Variants in GPR35 observed in about 807,000 individuals in gnomAD.
GPR35 encodes the protein G protein-coupled receptor 35.
For missense variants in GPR35, 372 were observed against 422.5 expected, an observed-to-expected ratio of 0.88 and a Z score of 1.05; for synonymous variants, 207 against 198.4, an observed-to-expected ratio of 1.04 and a Z score of -0.36.
intron 2 of GPR35, among the ~76,000 whole-genome samples, chr2:240,610,688 G>C (rs984856229): frequency 6.6e-6 from 1 of 151,886 alleles, no homozygotes; most frequent in Non-Finnish European, 1.5e-5. Flanking sequence ...AGGCTGGAGT[G>C]CAGTGGCATG....
In GPR35 at chr2:240,630,387, C is replaced by T. The variant is rs201640570; in HGVS notation, c.435C>T (p.Ile145=). The T allele has an allele frequency of 9.2e-5, 149 of 1,610,890 alleles. 1 individual carries two copies. The South Asian group carries it at 1.0e-3, about 11-fold the overall frequency. The change falls in exon 2 of 2, where the codon ATC becomes ATT. Residue 145 remains isoleucine, a synonymous_variant. Coordinates refer to ENST00000407714, the MANE Select transcript of GPR35 (RefSeq NM_005301.5). ...GCGCGGTCCTCTGGGTGCTGGTCAT[C>T]GGCTCCCTGGTGGCTCGCTGGCTCC... ...AVCAVLWVLV[I]GSLVARWLLG...
At chr2:240,614,188 A>T (rs1418961887) in intron 2 of GPR35, among the ~76,000 whole-genome samples, 1 of 151,816 alleles carries the variant, frequency 6.6e-6, no homozygotes, top group Non-Finnish European at 1.5e-5. Flanking sequence ...CCTAATCCTA[A>T]GTCTCATGTT....
intron 2 of GPR35, among the ~76,000 whole-genome samples, chr2:240,612,183 G>C (rs957134919): frequency 2.6e-5 from 4 of 151,920 alleles, no homozygotes; most frequent in African/African-American, 9.7e-5. Flanking sequence ...AAAAGGACTA[G>C]GGACTGGGAG....
intron 2 of GPR35, among the ~76,000 whole-genome samples, chr2:240,612,493 G>T (rs539852580): frequency 6.6e-6 from 1 of 151,870 alleles, no homozygotes; most frequent in African/African-American, 2.4e-5. Flanking sequence ...TGGTGGGTGC[G>T]TGGAGGTGCT....
intron 1 of GPR35, 118 bp from the exon 2 acceptor site, chr2:240,629,831 G>T (rs1444615404): frequency 4.9e-6 from 4 of 809,252 alleles, no homozygotes; most frequent in Admixed American, 2.4e-5. Flanking sequence ...GTGTTTGTGG[G>T]TGTGGGGTCG....
At chr2:240,616,295 A>G in intron 2 of GPR35, 1 of 655,394 alleles carries the variant, frequency 1.5e-6, no homozygotes, top group Non-Finnish European at 2.8e-6. Context: ...GTGGCTCCAC[A>G]GGATGCATAC....
chr2:240,614,972 GTATC>G (rs1048120551), intron 2 of GPR35, among the ~76,000 whole-genome samples: 8 of 152,032 alleles, frequency 5.3e-5, no homozygotes, highest in African/African-American at 1.7e-4. Flanking sequence ...ATTTGTATAT[GTATC>G]TATGTGTGTT....
intron 2 of GPR35, among the ~76,000 whole-genome samples, chr2:240,611,680 A>T (rs1052258412): frequency 6.6e-6 from 1 of 152,168 alleles, no homozygotes; most frequent in Non-Finnish European, 1.5e-5. Flanking sequence ...GGGCTGGATG[A>T]TGTGGTCAGT....
In GPR35 at chr2:240,630,271, G is replaced by C; in HGVS notation, c.319G>C (p.Val107Leu). Residue 107 changes from valine to leucine, a missense_variant, in exon 2 of 2, where the codon GTC becomes CTC. Coordinates refer to ENST00000407714, the MANE Select transcript of GPR35 (RefSeq NM_005301.5). Reference sequence around the variant, plus strand: ...CAACAGGTACATGAGCATCAGCCTGGTCACGGCCATCGCCGTGGACCGCTA... The same window carrying C: ...CAACAGGTACATGAGCATCAGCCTGCTCACGGCCATCGCCGTGGACCGCTA... The part of the protein sequence containing the change: ...LTNRYMSISL[V>L]TAIAVDRYVA... 1 of 1,565,916 alleles carries C rather than the reference G, an allele frequency of 6.4e-7. No homozygotes were observed. The highest frequency in any genetic ancestry group is 8.6e-7 in the Non-Finnish European group (1 of 1,159,974).
chr2:240,621,388 G>A (rs1038020247), upstream of GPR35, among the ~76,000 whole-genome samples: 3 of 152,140 alleles, frequency 2.0e-5, no homozygotes, highest in African/African-American at 7.2e-5. Flanking sequence ...CCGAGTAGCT[G>A]GGACTACAGG....
rs776208654 is a variant in GPR35 at position 240,632,190 on chromosome 2, TG to T, written c.*1316del. ...ATACGCAAGGGTGTCCATGCCTGGT[TG>T]GGGGGGGTCTATGTCCAGGAGGGTC... On this transcript the variant is annotated 3_prime_UTR_variant, in exon 2 of 2. Coordinates refer to ENST00000407714, the MANE Select transcript of GPR35 (RefSeq NM_005301.5). Among the ~76,000 whole-genome samples, 4 of 147,730 alleles carry T rather than the reference TG, an allele frequency of 2.7e-5. No individual in the cohort carries two copies. Among genetic ancestry groups the T allele is most frequent in the South Asian group, 2.2e-4 (1 of 4,548 alleles).
chr2:240,616,288 G>T (rs2975776), intron 2 of GPR35: 29 of 645,254 alleles, frequency 4.5e-5, no homozygotes, highest in Non-Finnish European at 7.5e-5. Context: ...GACAGCAGTG[G>T]CTCCACAGGA....
At chr2:240,615,989 G>A (rs1164823784) in intron 2 of GPR35, among the ~76,000 whole-genome samples, 1 of 152,210 alleles carries the variant, frequency 6.6e-6, no homozygotes, top group Non-Finnish European at 1.5e-5. Flanking sequence ...CCCAACCGCA[G>A]TTGTTGCCAG....
rs560992307 is a variant in GPR35 at position 240,630,443 on chromosome 2, G to T, written c.491G>T (p.Arg164Met). The T allele has an allele frequency of 1.6e-5, 25 of 1,612,836 alleles. No homozygotes were observed. Among genetic ancestry groups the T allele is most frequent in the Admixed American group, 1.0e-4 (6 of 60,024 alleles). ...LGIQEGGFCF[R>M]STRHNFNSMA... Reference sequence around the variant, plus strand: ...ATTCAGGAGGGCGGCTTCTGCTTCAGGAGCACCCGGCACAATTTCAACTCC... The same window carrying T: ...ATTCAGGAGGGCGGCTTCTGCTTCATGAGCACCCGGCACAATTTCAACTCC... Residue 164 changes from arginine to methionine, a missense_variant, in exon 2 of 2, where the codon AGG (arginine) becomes ATG (methionine). Arg to Met is a moderately conservative substitution (Grantham distance 91, BLOSUM62 -1). Transcript: ENST00000407714.
upstream of GPR35, among the ~76,000 whole-genome samples, chr2:240,623,078 C>T (rs925950265): frequency 3.0e-4 from 45 of 152,150 alleles, no homozygotes; most frequent in African/African-American, 8.4e-4. Context: ...CGGGCGCCGA[C>T]GACGACTGAG....
exon 4 of GPR35, chr2:240,617,285 A>G (rs2043249117): frequency 1.4e-6 from 1 of 712,114 alleles, no homozygotes; most frequent in Admixed American, 2.0e-5. Flanking sequence ...CCTGGATTGC[A>G]GACTCATGAA....
At chr2:240,611,704 C>A (rs1319178158) in intron 2 of GPR35, among the ~76,000 whole-genome samples, 1 of 152,170 alleles carries the variant, frequency 6.6e-6, no homozygotes, top group Non-Finnish European at 1.5e-5. Context: ...GGACAAGTTG[C>A]ATTTAAAGTG....
At chr2:240,625,831 G>A (rs2043366675) in intron 1 of GPR35, among the ~76,000 whole-genome samples, 1 of 77,490 alleles carries the variant, frequency 1.3e-5, no homozygotes, top group East Asian at 4.6e-4. Context: ...TGTGATGGGT[G>A]TCTCAGAGTG....
At chr2:240,624,076 A>G (rs1006950261), upstream of GPR35, among the ~76,000 whole-genome samples, 3 of 152,072 alleles carry the variant, frequency 2.0e-5, no homozygotes, top group African/African-American at 7.2e-5. Context: ...TTGGGGCACC[A>G]TCTGATCTGC....
Sources: allele counts gnomAD v4.1 joint callset (sites outside exome capture counted in the v4.1 genomes callset), GRCh38; gene constraint gnomAD v4.1.1; transcripts MANE v1.5; gene names NCBI Gene and HGNC (gene_info 2026-07-23, HGNC 2026-07-21).